Variants in SEMA5A observed in about 807,000 individuals in gnomAD.
The protein encoded by SEMA5A is semaphorin-5A.
SEMA5A carries 55 observed loss-of-function variants against 135.5 expected under a neutral mutation model. The observed-to-expected ratio is 0.41, with a 90% CI of 0.33 to 0.51. SEMA5A has a LOEUF of 0.51. Ranked by LOEUF, SEMA5A falls within the 20% of genes least tolerant of loss-of-function variation. SEMA5A has a pLI of 0.37. For missense variants in SEMA5A, 1,290 were observed against 1,419.9 expected, an observed-to-expected ratio of 0.91 and a Z score of 1.47; for synonymous variants, 580 against 546.5, an observed-to-expected ratio of 1.06 and a Z score of -0.85.
intron 1 of SEMA5A, among the ~76,000 whole-genome samples, chr5:9,509,421 C>T (rs1736084753): frequency 6.6e-6 from 1 of 151,934 alleles, no homozygotes; most frequent in African/African-American, 2.4e-5. Context: ...ATTACAGGCG[C>T]ACACCACCAC....
intron 1 of SEMA5A, among the ~76,000 whole-genome samples, chr5:9,443,439 A>C (rs2126684643): frequency 6.6e-6 from 1 of 152,338 alleles, no homozygotes; most frequent in Middle Eastern, 3.4e-3. Flanking sequence ...GAAATGGTGC[A>C]GCCAACTGAA....
chr5:9,136,393 T>G, intron 13 of SEMA5A, 111 bp downstream of exon 13: 1 of 874,688 alleles, frequency 1.1e-6, no homozygotes, highest in South Asian at 1.6e-5. Flanking sequence ...TTTGCAAAAA[T>G]GGTTCTCATA....
At chr5:9,326,712 T>A (rs1308204858) in intron 4 of SEMA5A, among the ~76,000 whole-genome samples, 2 of 152,096 alleles carry the variant, frequency 1.3e-5, no homozygotes, top group Non-Finnish European at 2.9e-5. Flanking sequence ...ATGTGCAAGG[T>A]GGAGGTTGCA....
intron 8 of SEMA5A, 150 bp from the exon 9 acceptor site, chr5:9,202,390 T>C: frequency 1.7e-6 from 1 of 580,976 alleles, no homozygotes; most frequent in Non-Finnish European, 2.7e-6. Flanking sequence ...GTGAGCAGCT[T>C]AATGATCTAC....
chr5:9,430,482 GTCCAGACACTGAACCTTATGGGAC>G (rs1260156407), intron 2 of SEMA5A, among the ~76,000 whole-genome samples: 2 of 152,142 alleles, frequency 1.3e-5, no homozygotes, highest in Non-Finnish European at 2.9e-5. Flanking sequence ...AAGAGACAAG[GTCCAGACACTGAACCTTATGGGAC>G]TCCAGTGCTT....
chr5:9,157,374 G>C (rs1738099107), intron 11 of SEMA5A, among the ~76,000 whole-genome samples: 1 of 152,158 alleles, frequency 6.6e-6, no homozygotes, highest in African/African-American at 2.4e-5. Flanking sequence ...AACCGTTAGG[G>C]ACTGGAGACA....
At chr5:9,438,724 A>G (rs1258252263) in intron 1 of SEMA5A, among the ~76,000 whole-genome samples, 1 of 152,140 alleles carries the variant, frequency 6.6e-6, no homozygotes, top group Non-Finnish European at 1.5e-5. Context: ...ATAAATGTGA[A>G]ACACCCTGAC....
At chr5:9,369,258 A>C (rs1040500881) in intron 3 of SEMA5A, among the ~76,000 whole-genome samples, 1 of 152,154 alleles carries the variant, frequency 6.6e-6, no homozygotes, top group Non-Finnish European at 1.5e-5. Flanking sequence ...GTGTGTATGT[A>C]TGTCAAATAT....
rs5865828 is a variant in SEMA5A, at chr5:9,374,264, G to GA, written c.124+5558dup. Among the ~76,000 whole-genome samples the GA allele has an allele frequency of 2.7e-3, 401 of 147,926 alleles. 2 individuals carry two copies. The highest frequency in any genetic ancestry group is 7.1e-3 in the Middle Eastern group (2 of 282). On this transcript the variant is annotated intron_variant, in intron 3 of 22. Transcript: ENST00000382496. ...AGTGGCAAATATTTCACAGAGGCTG[G>GA]AAAAAAAAAAAGATTCTACCAGCAT...
intron 12 of SEMA5A, among the ~76,000 whole-genome samples, chr5:9,143,239 A>T (rs1742161844): frequency 6.6e-6 from 1 of 152,212 alleles, no homozygotes; most frequent in South Asian, 2.1e-4. Context: ...AAGTTATTAT[A>T]CACTATGGAT....
rs868175368 is a variant in SEMA5A at position 9,483,727 on chromosome 5, A to G, written c.-174-45875T>C. 2.0e-5 allele frequency among the ~76,000 whole-genome samples: 3 copies of G among 152,234 alleles called. No individual in the cohort carries two copies. In the South Asian group the frequency reaches 6.2e-4, roughly 31 times the overall value. On this transcript the variant is annotated intron_variant, in intron 1 of 22. Coordinates refer to ENST00000382496, the MANE Select transcript of SEMA5A (RefSeq NM_003966.3). ...GCCTTTGATTTAAACATTTTTATAT[A>G]TCAAAAGATACAGAAGAAAAAAGTA... is the stretch of plus-strand genomic sequence containing the variant.
chr5:9,289,990 C>G (rs749445599), intron 5 of SEMA5A, among the ~76,000 whole-genome samples: 4 of 152,312 alleles, frequency 2.6e-5, no homozygotes, highest in East Asian at 1.9e-4. Flanking sequence ...TGAGCATCAT[C>G]ATTAACAACC....
chr5:9,394,821 C>G (rs1466620265), intron 2 of SEMA5A, among the ~76,000 whole-genome samples: 1 of 151,990 alleles, frequency 6.6e-6, no homozygotes, highest in East Asian at 1.9e-4. Flanking sequence ...TATTATACAG[C>G]TTATTAAGCC....
chr5:9,323,413 A>C (rs1372281353), intron 4 of SEMA5A, among the ~76,000 whole-genome samples: 2 of 152,118 alleles, frequency 1.3e-5, no homozygotes, highest in East Asian at 3.9e-4. Context: ...TAGATACAAT[A>C]ATTCTTTAAT....
intron 1 of SEMA5A, among the ~76,000 whole-genome samples, chr5:9,476,031 C>G (rs1418390320): frequency 6.6e-6 from 1 of 152,152 alleles, no homozygotes. Flanking sequence ...GCTATACATG[C>G]TGTTTAACAC....
At chr5:9,486,240 G>A (rs183016777) in intron 1 of SEMA5A, among the ~76,000 whole-genome samples, 21 of 152,114 alleles carry the variant, frequency 1.4e-4, no homozygotes, top group Non-Finnish European at 2.4e-4. Context: ...TGGACACAGG[G>A]AGGGGGAACA....
At chr5:9,278,147 G>A (rs1001895191) in intron 5 of SEMA5A, among the ~76,000 whole-genome samples, 3 of 151,698 alleles carry the variant, frequency 2.0e-5, no homozygotes, top group Non-Finnish European at 4.4e-5. Flanking sequence ...AGCTGATGAG[G>A]TCTCAGCTGG....
chr5:9,100,960 GA>G (rs951633369), intron 16 of SEMA5A, among the ~76,000 whole-genome samples: 2 of 151,328 alleles, frequency 1.3e-5, no homozygotes, highest in Non-Finnish European at 2.9e-5. Context: ...AGGAGAAAGT[GA>G]AAAAAAAGGA....
At chr5:9,516,159 T>A (rs1279263609) in intron 1 of SEMA5A, among the ~76,000 whole-genome samples, 1 of 151,922 alleles carries the variant, frequency 6.6e-6, no homozygotes. Context: ...TTTACAGAGG[T>A]GTGCAGACAT....
Sources: allele counts gnomAD v4.1 joint callset (sites outside exome capture counted in the v4.1 genomes callset), GRCh38; gene constraint gnomAD v4.1.1; transcripts MANE v1.5; gene names NCBI Gene and HGNC (gene_info 2026-07-23, HGNC 2026-07-21).